CSNK1G3: variants seen among roughly 807,000 people sequenced by gnomAD.
CSNK1G3 encodes casein kinase 1 gamma 3.
CSNK1G3 carries 23 observed loss-of-function variants against 64.3 expected under a neutral mutation model. That is an observed-to-expected ratio of 0.36 (90% CI 0.26 to 0.51). CSNK1G3 has a LOEUF of 0.51. CSNK1G3 is among the 20% of genes least tolerant of loss of function. The probability of loss-of-function intolerance (pLI) is 0.96; values close to 1 mark genes in which losing one functional copy is unlikely to be tolerated. For synonymous variants in CSNK1G3, 158 were observed against 162.2 expected (o/e 0.97, Z 0.20); for missense variants, 357 against 510.5 (o/e 0.70, Z 2.90).
intron 12 of CSNK1G3, among the ~76,000 whole-genome samples, chr5:123,609,338 A>G (rs1795909141): frequency 6.6e-6 from 1 of 152,156 alleles, no homozygotes; most frequent in Non-Finnish European, 1.5e-5. Context: ...GATTGCAGAA[A>G]ATGGTTTAAA....
chr5:123,589,044 A>T (rs1791854408), intron 8 of CSNK1G3, among the ~76,000 whole-genome samples: 1 of 152,140 alleles, frequency 6.6e-6, no homozygotes, highest in African/African-American at 2.4e-5. Flanking sequence ...GCCAAAAAAA[A>T]TTTACTTAAG....
At chr5:123,557,285 T>C (rs557588858) in intron 3 of CSNK1G3, among the ~76,000 whole-genome samples, 1 of 152,294 alleles carries the variant, frequency 6.6e-6, no homozygotes, top group Admixed American at 6.5e-5. Flanking sequence ...CTGCCTGATC[T>C]AATGGCTACT....
chr5:123,604,768 C>G (rs774105862), exon 11 of CSNK1G3: 2 of 1,611,594 alleles, frequency 1.2e-6, no homozygotes, highest in African/African-American at 2.7e-5. Context: ...ATGACCCCAC[C>G]GCAGGACGTT....
intron 7 of CSNK1G3, 96 bp from the exon 8 acceptor site, chr5:123,588,331 C>T: frequency 1.7e-6 from 2 of 1,149,142 alleles, no homozygotes; most frequent in Non-Finnish European, 2.6e-6. Context: ...TCTGCCTTGG[C>T]CTTCCAAAGC....
At chr5:123,523,077 T>C (rs1167413571) in intron 1 of CSNK1G3, among the ~76,000 whole-genome samples, 1 of 152,208 alleles carries the variant, frequency 6.6e-6, no homozygotes, top group Non-Finnish European at 1.5e-5. Flanking sequence ...TACAATATCA[T>C]TGAGCTGTAT....
At chr5:123,546,939 A>C (rs1484707082) in intron 2 of CSNK1G3, among the ~76,000 whole-genome samples, 1 of 152,136 alleles carries the variant, frequency 6.6e-6, no homozygotes, top group Admixed American at 6.6e-5. Context: ...TAGGGACTCA[A>C]ATATTTGAAA....
intron 1 of CSNK1G3, among the ~76,000 whole-genome samples, chr5:123,538,024 T>C (rs968787042): frequency 1.3e-5 from 2 of 152,230 alleles, no homozygotes; most frequent in African/African-American, 4.8e-5. Flanking sequence ...CGTTCCTTTT[T>C]AATGCTGAGT....
intron 10 of CSNK1G3, among the ~76,000 whole-genome samples, chr5:123,596,271 G>A (rs905003588): frequency 3.3e-5 from 5 of 152,118 alleles, no homozygotes; most frequent in Admixed American, 2.6e-4. Flanking sequence ...AAAGTCTAGG[G>A]TGAAGAACTT....
intron 1 of CSNK1G3, among the ~76,000 whole-genome samples, chr5:123,534,318 G>A (rs1471312217): frequency 1.3e-5 from 2 of 151,988 alleles, no homozygotes; most frequent in African/African-American, 4.8e-5. Context: ...GGGATTCTAG[G>A]ACTACTTTTG....
intron 12 of CSNK1G3, among the ~76,000 whole-genome samples, chr5:123,608,281 C>T (rs1048062392): frequency 1.3e-5 from 2 of 152,150 alleles, no homozygotes; most frequent in African/African-American, 2.4e-5. Flanking sequence ...TTAGCATCCT[C>T]ATGTTTCCTG....
chr5:123,581,234 T>A (rs1790186698), intron 6 of CSNK1G3, among the ~76,000 whole-genome samples: 1 of 151,568 alleles, frequency 6.6e-6, no homozygotes, highest in Non-Finnish European at 1.5e-5. Context: ...TTTATATGAT[T>A]ACTATTATAT....
At chr5:123,549,947 T>C (rs899964970) in intron 2 of CSNK1G3, among the ~76,000 whole-genome samples, 1 of 152,226 alleles carries the variant, frequency 6.6e-6, no homozygotes, top group Non-Finnish European at 1.5e-5. Flanking sequence ...TTTTTTCTTT[T>C]CTTATTCCTA....
Position 123,538,659 on chromosome 5 carries a change from A to T in CSNK1G3, c.-247-6758A>T, listed in dbSNP as rs759983375. 5.0e-4 allele frequency among the ~76,000 whole-genome samples: 76 copies of T among 152,278 alleles called. No homozygotes were observed. The Middle Eastern group carries it at 0.01, about 20-fold the overall frequency. On this transcript the variant is annotated intron_variant, in intron 1 of 12. Transcript: ENST00000345990. ...TACGGTTTGATGGGTGCAGCATACC[A>T]CCATGGCGCATGTATACCTGTGTAA... is the stretch of plus-strand genomic sequence containing the variant.
intron 6 of CSNK1G3, among the ~76,000 whole-genome samples, chr5:123,578,596 A>G (rs1026493690): frequency 3.3e-5 from 5 of 151,924 alleles, no homozygotes; most frequent in African/African-American, 1.2e-4. Context: ...GATGAGCAGA[A>G]CTGTTAAATA....
intron 4 of CSNK1G3, among the ~76,000 whole-genome samples, chr5:123,561,060 G>A (rs1229147056): frequency 6.6e-6 from 1 of 152,034 alleles, no homozygotes; most frequent in Non-Finnish European, 1.5e-5. Flanking sequence ...ATACAATTTG[G>A]TTTTGCCCGT....
At chr5:123,581,360 G>GTTTTTTTTTTTTTTTTTTTGTTTT (rs1790223512) in intron 6 of CSNK1G3, among the ~76,000 whole-genome samples, 2 of 81,602 alleles carry the variant, frequency 2.5e-5, no homozygotes, top group African/African-American at 5.1e-5. Context: ...TTTTGGGTTT[G>GTTTTTTTTTTTTTTTTTTTGTTTT]TTTTTTTTTT....
chr5:123,588,632 T>A, intron 8 of CSNK1G3, 121 bp downstream of exon 8: 1 of 709,560 alleles, frequency 1.4e-6, no homozygotes, highest in Non-Finnish European at 2.4e-6. Flanking sequence ...AAATATGATT[T>A]AAAGGTTGTC....
chr5:123,541,617 A>T (rs1441366789), intron 1 of CSNK1G3, among the ~76,000 whole-genome samples: 1 of 151,986 alleles, frequency 6.6e-6, no homozygotes, highest in Non-Finnish European at 1.5e-5. Flanking sequence ...TTTTTATTAG[A>T]GGCAGGCTCT....
intron 2 of CSNK1G3, among the ~76,000 whole-genome samples, chr5:123,547,513 A>G (rs1782762450): frequency 6.6e-6 from 1 of 152,168 alleles, no homozygotes; most frequent in Non-Finnish European, 1.5e-5. Context: ...AATACGAGAA[A>G]TATGAGAAAC....
Sources: gnomAD v4.1 joint callset for allele counts (sites outside exome capture counted in the v4.1 genomes callset) on GRCh38, gnomAD v4.1.1 for gene constraint, MANE v1.5 for transcripts, NCBI Gene and HGNC (gene_info 2026-07-23, HGNC 2026-07-21) for gene names.